The following PPP2R5C variants were observed in gnomAD, a reference collection of about 807,000 sequenced individuals.
PPP2R5C encodes protein phosphatase 2 regulatory subunit B'gamma.
A neutral mutation model predicts 68.9 loss-of-function variants in PPP2R5C; 7 were observed. That is an observed-to-expected ratio of 0.10 (90% CI 0.06 to 0.19). The LOEUF (loss-of-function observed/expected upper bound fraction) is 0.19. Ranked by LOEUF, PPP2R5C falls within the 10% of genes least tolerant of loss-of-function variation. The pLI, the probability that PPP2R5C is intolerant of heterozygous loss-of-function variation, is 1.00. For missense variants in PPP2R5C, 348 were observed against 641.3 expected (o/e 0.54, Z 4.94); for synonymous variants, 210 against 222.2 (o/e 0.95, Z 0.49).
At chr14:101,768,750 C>G (rs1370300030) in intron 2 of PPP2R5C, among the ~76,000 whole-genome samples, 3 of 152,138 alleles carry the variant, frequency 2.0e-5, no homozygotes, top group Non-Finnish European at 4.4e-5. Context: ...GGGACACACC[C>G]CAGACCACAC....
chr14:101,885,290 CT>C (rs1258020211), intron 5 of PPP2R5C, among the ~76,000 whole-genome samples: 1 of 152,206 alleles, frequency 6.6e-6, no homozygotes, highest in Non-Finnish European at 1.5e-5. Flanking sequence ...GAGACCCCCC[CT>C]GCCAAAACCC....
Position 101,825,243 on chromosome 14 carries a change from TG to T in PPP2R5C, c.94+15208del. On this transcript the variant is annotated intron_variant, in intron 1 of 13. Coordinates refer to ENST00000334743, the Ensembl canonical transcript of PPP2R5C. This position sits in a 1 kb window ranked among gnomAD's most constrained non-coding sequence, Gnocchi z 4.0. ...GTGTGTGTGTGTGTGTGTGTGTGTGTGTGTGTTGATGAATTTATTACTTATT... is the reference window on the plus strand; with the variant it reads ...GTGTGTGTGTGTGTGTGTGTGTGTGTTGTGTTGATGAATTTATTACTTATT... Among the ~76,000 whole-genome samples, 1 of 151,510 alleles carries T rather than the reference TG, an allele frequency of 6.6e-6. No homozygotes were observed. Among genetic ancestry groups the T allele is most frequent in the South Asian group, 2.1e-4 (1 of 4,814 alleles).
At chr14:101,819,936 T>C (rs1294196341) in intron 1 of PPP2R5C, 3 of 152,200 alleles carry the variant, frequency 2.0e-5, no homozygotes, top group Non-Finnish European at 1.5e-5. Flanking sequence ...CTTTTTAATT[T>C]TGCGTGACGA....
At chr14:101,829,820 T>C (rs892323414) in intron 1 of PPP2R5C, among the ~76,000 whole-genome samples, 5 of 152,096 alleles carry the variant, frequency 3.3e-5, no homozygotes, top group African/African-American at 1.2e-4. Flanking sequence ...TCAAATTGAG[T>C]GTCTTCAAAG....
In PPP2R5C at chr14:101,915,989, A is replaced by G. The variant is rs2046645569; in HGVS notation, c.1327-1842A>G. Among the ~76,000 whole-genome samples, 1 of 152,114 alleles carries G rather than the reference A, an allele frequency of 6.6e-6. No homozygotes were observed. The highest frequency in any genetic ancestry group is 1.5e-5 in the Non-Finnish European group (1 of 68,034). Reference sequence around the variant, plus strand: ...CAGAGGTAGAGAAAAGCAGGGACACAGTGGGTGACAGGTGTCGGTCCTGGT... The same window carrying G: ...CAGAGGTAGAGAAAAGCAGGGACACGGTGGGTGACAGGTGTCGGTCCTGGT... On this transcript the variant is annotated intron_variant, in intron 12 of 13. Transcript: ENST00000334743. The surrounding 1 kb of genome is among the most constrained non-coding windows in gnomAD (Gnocchi z 4.2).
At chr14:101,919,969 CAAA>C (rs34641396) in intron 13 of PPP2R5C, among the ~76,000 whole-genome samples, 78 of 52,874 alleles carry the variant, frequency 1.5e-3, no homozygotes, top group African/African-American at 6.2e-3. Context: ...AACTCCGTCT[CAAA>C]AAAAAAAAAA....
At chr14:101,839,781 G>A (rs2140407696) in intron 1 of PPP2R5C, among the ~76,000 whole-genome samples, 1 of 152,296 alleles carries the variant, frequency 6.6e-6, no homozygotes, top group Non-Finnish European at 1.5e-5. Flanking sequence ...TCAAACAGTT[G>A]ACAATGGCAT....
rs955877891 is a variant in PPP2R5C at position 101,884,518 on chromosome 14, G to T, written c.629+956G>T. Among the ~76,000 whole-genome samples, 4 of 152,370 alleles carry T rather than the reference G, an allele frequency of 2.6e-5. No homozygotes were observed. In the South Asian group the frequency reaches 6.2e-4, roughly 24 times the overall value. On this transcript the variant is annotated intron_variant, in intron 5 of 13. Coordinates refer to ENST00000334743, the Ensembl canonical transcript of PPP2R5C. Reference sequence around the variant, plus strand: ...AAGTGATGTCATTCATCTGTAGAAAGCCTGAGATCTGTGCACCTCGGTTAA... The same window carrying T: ...AAGTGATGTCATTCATCTGTAGAAATCCTGAGATCTGTGCACCTCGGTTAA...
chr14:101,833,026 G>C (rs554265645), intron 1 of PPP2R5C, among the ~76,000 whole-genome samples: 1 of 152,338 alleles, frequency 6.6e-6, no homozygotes, highest in African/African-American at 2.4e-5. Context: ...CATCTGAAAC[G>C]TGCTGGAATC....
Position 101,917,958 on chromosome 14 carries a change from A to C in PPP2R5C, c.1443+11A>C. 1.2e-6 allele frequency: 2 copies of C among 1,613,804 alleles called. No individual in the cohort carries two copies. The highest frequency in any genetic ancestry group is 1.7e-6 in the Non-Finnish European group (2 of 1,179,824). On this transcript the variant is annotated intron_variant, in intron 13 of 13. Coordinates refer to ENST00000334743, the Ensembl canonical transcript of PPP2R5C. The surrounding 1 kb of genome is among the most constrained non-coding windows in gnomAD (Gnocchi z 4.4). The stretch of plus-strand genomic sequence containing the variant: ...GACGAGGCTCATCAGGTAAAAGTGC[A>C]CCGAGCTCAGCTGGGCACCCATGAC...
chr14:101,914,269 C>A, intron 12 of PPP2R5C: 1 of 449,140 alleles, frequency 2.2e-6, no homozygotes, highest in South Asian at 1.6e-5. Context: ...CCATCTGTGA[C>A]GCAGTCCCCA....
chr14:101,816,881 T>A (rs1028510484), intron 1 of PPP2R5C, among the ~76,000 whole-genome samples: 8 of 136,744 alleles, frequency 5.9e-5, no homozygotes, highest in Non-Finnish European at 9.2e-5. Context: ...TATATATATA[T>A]TATATATATA....
At chr14:101,890,487 T>A (rs2044797707) in intron 6 of PPP2R5C, among the ~76,000 whole-genome samples, 191 bp downstream of exon 8, 1 of 152,182 alleles carries the variant, frequency 6.6e-6, no homozygotes, top group African/African-American at 2.4e-5. Context: ...GACAAATCTC[T>A]CCCATTTTTA....
chr14:101,862,496 G>A (rs965087154), intron 2 of PPP2R5C, among the ~76,000 whole-genome samples: 2 of 152,166 alleles, frequency 1.3e-5, no homozygotes, highest in Non-Finnish European at 2.9e-5. Context: ...CACTGATAAG[G>A]TTTCAGCACC....
intron 1 of PPP2R5C, among the ~76,000 whole-genome samples, chr14:101,828,036 A>C (rs1467517882): frequency 6.6e-6 from 1 of 152,186 alleles, no homozygotes; most frequent in Non-Finnish European, 1.5e-5. Context: ...AAATGTTCCT[A>C]GTCTGTGAAA....
chr14:101,857,134 A>G (rs2042466105), intron 2 of PPP2R5C, among the ~76,000 whole-genome samples: 1 of 152,150 alleles, frequency 6.6e-6, no homozygotes, highest in African/African-American at 2.4e-5. Context: ...AATCCTCACA[A>G]CTACCCTATG....
chr14:101,833,841 A>T (rs2040913572), intron 1 of PPP2R5C, among the ~76,000 whole-genome samples: 1 of 152,072 alleles, frequency 6.6e-6, no homozygotes, highest in Non-Finnish European at 1.5e-5. Flanking sequence ...TCGCTCTGTC[A>T]CCCAGGCTGG....
At chr14:101,821,444 G>GGGGT (rs1426759384) in intron 1 of PPP2R5C, among the ~76,000 whole-genome samples, 80 of 130,158 alleles carry the variant, frequency 6.1e-4, no homozygotes, top group African/African-American at 2.2e-3. Context: ...GTGGGGGGTG[G>GGGGT]GTGGGTGGGT....
At chr14:101,789,478 C>T (rs2038264056) in intron 3 of PPP2R5C, among the ~76,000 whole-genome samples, 1 of 152,198 alleles carries the variant, frequency 6.6e-6, no homozygotes, top group Admixed American at 6.5e-5. Flanking sequence ...TGATTTTCCT[C>T]TTTAAGATGT....
Sources: allele counts gnomAD v4.1 joint callset (sites outside exome capture counted in the v4.1 genomes callset), GRCh38; gene constraint gnomAD v4.1.1; non-coding constraint Gnocchi (gnomAD v3.1); transcripts MANE v1.5; gene names NCBI Gene and HGNC (gene_info 2026-07-23, HGNC 2026-07-21).